Variants in NSD1 observed in about 807,000 individuals in gnomAD.
NSD1 encodes the protein histone-lysine N-methyltransferase, H3 lysine-36 specific.
NSD1 carries 26 observed loss-of-function variants against 242.7 expected under a neutral mutation model. The ratio of observed to expected loss-of-function variants is 0.11; its 90% CI spans 0.08 to 0.15. The LOEUF is 0.15. Ranked by LOEUF, NSD1 falls within the 10% of genes least tolerant of loss-of-function variation. The pLI is 1.00. For synonymous variants in NSD1, 1,106 were observed against 1,178.1 expected (o/e 0.94, Z 1.25); for missense variants, 2,495 against 3,272.8 (o/e 0.76, Z 5.80).
chr5:177,232,472 A>G (rs546377964), intron 5 of NSD1, among the ~76,000 whole-genome samples: 1 of 152,328 alleles, frequency 6.6e-6, no homozygotes, highest in African/African-American at 2.4e-5. Context: ...ACATCATGCA[A>G]TGTGTCAGTC....
At chr5:177,199,611 T>G (rs1353171449) in intron 3 of NSD1, among the ~76,000 whole-genome samples, 2 of 151,618 alleles carry the variant, frequency 1.3e-5, no homozygotes. Context: ...TTTCTTTTCT[T>G]TTTTTTTGAG....
At chr5:177,240,024 G>A (rs1305610538) in intron 8 of NSD1, among the ~76,000 whole-genome samples, 159 bp downstream of exon 8, 1 of 152,152 alleles carries the variant, frequency 6.6e-6, no homozygotes, top group Non-Finnish European at 1.5e-5. Context: ...TACATGAAAG[G>A]CTGTTTTGCA....
chr5:177,142,847 A>G (rs1756938024), intron 2 of NSD1, among the ~76,000 whole-genome samples: 1 of 152,210 alleles, frequency 6.6e-6, no homozygotes, highest in Non-Finnish European at 1.5e-5. Context: ...GAACAAATAA[A>G]GCCCAAATTC....
intron 19 of NSD1, 78 bp downstream of exon 19, chr5:177,282,659 T>G: frequency 8.5e-6 from 9 of 1,064,444 alleles, no homozygotes; most frequent in Non-Finnish European, 1.3e-5. Context: ...TTTGTAGGCA[T>G]GTAACGCAGT....
intron 21 of NSD1, among the ~76,000 whole-genome samples, chr5:177,289,391 C>T (rs1454832477): frequency 6.6e-6 from 1 of 151,952 alleles, no homozygotes; most frequent in Admixed American, 6.6e-5. Context: ...ACTAAGCATT[C>T]GGCTGATCAA....
At chr5:177,144,491 TTTTG>T (rs753858507) in intron 2 of NSD1, among the ~76,000 whole-genome samples, 3 of 152,238 alleles carry the variant, frequency 2.0e-5, no homozygotes, top group Non-Finnish European at 4.4e-5. Flanking sequence ...TTTGTTGTAT[TTTTG>T]TTTGATAATC....
At position 177,219,689 on chromosome 5, in the gene NSD1, G is replaced by C. The variant is rs1764084245; in HGVS notation, c.3796+7494G>C. On this transcript the variant is annotated intron_variant, in intron 5 of 22. Coordinates refer to ENST00000439151, the MANE Select transcript of NSD1 (RefSeq NM_022455.5). ...AATTTGTTAAGACTTGTGTGGCTGG[G>C]CATGGCAGCTTACGCCTGTAATCTC... is the stretch of plus-strand genomic sequence containing the variant. Among the ~76,000 whole-genome samples the C allele has an allele frequency of 1.3e-5, 2 of 152,226 alleles. 1 individual carries two copies. The highest frequency in any genetic ancestry group is 6.8e-3 in the Middle Eastern group (2 of 294).
chr5:177,189,084 T>TA (rs1269403220), intron 2 of NSD1, among the ~76,000 whole-genome samples: 1 of 152,170 alleles, frequency 6.6e-6, no homozygotes, highest in Non-Finnish European at 1.5e-5. Context: ...AAACCTGCTT[T>TA]AAATATCTTA....
rs1451552350 is a variant in NSD1 at position 177,211,848 on chromosome 5, G to C, written c.3449G>C (p.Gly1150Ala). ...VMNSENDELN[G>A]VNQVVPKKRW... is the part of the protein sequence containing the mutation. ...AACAGTGAGAATGATGAACTCAATGGTGTAAATCAAGTGGTGCCTAAAAAG... is the reference window on the plus strand; with the variant it reads ...AACAGTGAGAATGATGAACTCAATGCTGTAAATCAAGTGGTGCCTAAAAAG... Residue 1150 changes from glycine (G) to alanine (A), a missense_variant, in exon 5 of 23, where the codon GGT becomes GCT. Coordinates refer to ENST00000439151, the MANE Select transcript of NSD1 (RefSeq NM_022455.5). 1.2e-6 allele frequency: 2 copies of C among 1,613,694 alleles called. No individual in the cohort carries two copies. The highest frequency in any genetic ancestry group is 2.2e-5 in the South Asian group (2 of 90,962).
intron 2 of NSD1, among the ~76,000 whole-genome samples, chr5:177,142,628 T>G (rs1466229222): frequency 2.6e-5 from 4 of 152,230 alleles, no homozygotes; most frequent in Non-Finnish European, 5.9e-5. Context: ...TATGCCGTGC[T>G]GTATAGTTGA....
At chr5:177,146,238 A>G (rs547364914) in intron 2 of NSD1, among the ~76,000 whole-genome samples, 2 of 123,484 alleles carry the variant, frequency 1.6e-5, no homozygotes, top group Non-Finnish European at 3.2e-5. Flanking sequence ...CGGAGTCTCC[A>G]TCTGATGCCC....
At position 177,205,660 on chromosome 5, in the gene NSD1, A is replaced by G. The variant is rs549296342; in HGVS notation, c.1236+1368A>G. Among the ~76,000 whole-genome samples, 110 of 152,106 alleles carry G rather than the reference A, an allele frequency of 7.2e-4. No homozygotes were observed. The Middle Eastern group carries it at 0.027, about 38-fold the overall frequency. The stretch of plus-strand genomic sequence containing the variant: ...CATCTTGCAAATCTGATACTCTTTT[A>G]CCTGTTAAACAGTAATTCCCCATTT... On this transcript the variant is annotated intron_variant, in intron 4 of 22. Transcript: ENST00000439151.
intron 20 of NSD1, among the ~76,000 whole-genome samples, chr5:177,287,957 AG>A (rs1759466394): frequency 6.6e-6 from 1 of 152,256 alleles, no homozygotes; most frequent in East Asian, 1.9e-4. Context: ...CAGTCTGCAA[AG>A]GGAAATCTTC....
At chr5:177,243,716 G>C (rs1766066992) in intron 8 of NSD1, among the ~76,000 whole-genome samples, 5 of 151,978 alleles carry the variant, frequency 3.3e-5, no homozygotes, top group African/African-American at 1.2e-4. Flanking sequence ...TTTTAAGATG[G>C]AGTCTCGCTT....
intron 3 of NSD1, among the ~76,000 whole-genome samples, chr5:177,202,442 G>A (rs1360013427): frequency 6.6e-6 from 1 of 152,074 alleles, no homozygotes; most frequent in Non-Finnish European, 1.5e-5. Context: ...GCAGTGGCGT[G>A]ATAATGGCTC....
chr5:177,216,704 T>C (rs1763802879), intron 5 of NSD1, among the ~76,000 whole-genome samples: 1 of 149,512 alleles, frequency 6.7e-6, no homozygotes. Flanking sequence ...TTTAGTAAAA[T>C]TGAGACGGGG....
At position 177,211,572 on chromosome 5, in the gene NSD1, A is replaced by G. The variant is rs1763344906; in HGVS notation, c.3173A>G (p.Gln1058Arg). 2 of 1,614,120 alleles carry G rather than the reference A, an allele frequency of 1.2e-6. No homozygotes were observed. Among genetic ancestry groups the G allele is most frequent in the Admixed American group, 1.7e-5 (1 of 60,014 alleles). Reference sequence around the variant, plus strand: ...ACCGAGCGCAAAAGAAAACTGAATCAGCTTCCAAGTGTGACTCTTGATGCT... The same window carrying G: ...ACCGAGCGCAAAAGAAAACTGAATCGGCTTCCAAGTGTGACTCTTGATGCT... ...LKTERKRKLN[Q>R]LPSVTLDAVL... is the part of the protein sequence containing the mutation. Residue 1058 changes from glutamine (Q) to arginine (R), a missense_variant, in exon 5 of 23, where the codon CAG becomes CGG. Around this residue, in one of 19 missense-constraint regions of NSD1, gnomAD observed 426 missense variants for 411.4 expected, o/e 1.04. Coordinates refer to ENST00000439151, the MANE Select transcript of NSD1 (RefSeq NM_022455.5).
intron 2 of NSD1, among the ~76,000 whole-genome samples, chr5:177,163,646 C>G (rs888940422): frequency 7.9e-5 from 12 of 152,156 alleles, no homozygotes; most frequent in Non-Finnish European, 1.8e-4. Context: ...CTGCTGCTAT[C>G]CATAATTCTC....
intron 5 of NSD1, among the ~76,000 whole-genome samples, chr5:177,217,163 T>A (rs1763840372): frequency 6.6e-6 from 1 of 152,152 alleles, no homozygotes; most frequent in Non-Finnish European, 1.5e-5. Context: ...TTCCATTTAT[T>A]TATATCTTCC....
Sources: gnomAD v4.1 joint callset for allele counts (sites outside exome capture counted in the v4.1 genomes callset) on GRCh38, gnomAD v4.1.1 for gene constraint, gnomAD v4.1.1 regional missense constraint, MANE v1.5 for transcripts, NCBI Gene and HGNC (gene_info 2026-07-23, HGNC 2026-07-21) for gene names.